The following SLC44A3 variants were observed in gnomAD, a reference collection of about 807,000 sequenced individuals.
SLC44A3 encodes solute carrier family 44 member 3, also known as choline transporter-like protein 3.
A neutral mutation model predicts 75.4 loss-of-function variants in SLC44A3; 74 were observed. The ratio of observed to expected loss-of-function variants is 0.98; its 90% confidence interval spans 0.81 to 1.19. SLC44A3 has a LOEUF of 1.19. Among genes scored for constraint, SLC44A3 ranks in the 50% most tolerant of loss-of-function variants. SLC44A3 has a pLI of 0.00. For missense variants in SLC44A3, 700 were observed against 778.6 expected, an observed-to-expected ratio of 0.90 and a Z score of 1.20; for synonymous variants, 310 against 296.9, an observed-to-expected ratio of 1.04 and a Z score of -0.45.
chr1:94,840,886 G>A (rs977139975), intron 7 of SLC44A3, among the ~76,000 whole-genome samples: 1 of 152,196 alleles, frequency 6.6e-6, no homozygotes, highest in Non-Finnish European at 1.5e-5. Flanking sequence ...CAGTTGTTGG[G>A]AAAGAGGTCC....
chr1:94,856,713 A>G (rs1481410555), intron 9 of SLC44A3, among the ~76,000 whole-genome samples: 1 of 152,096 alleles, frequency 6.6e-6, no homozygotes, highest in East Asian at 1.9e-4. Flanking sequence ...ACTTTACAAA[A>G]GTTACTTGCC....
intron 12 of SLC44A3, among the ~76,000 whole-genome samples, chr1:94,889,553 C>CACACACA (rs370393089): frequency 0.11 from 17,067 of 149,372 alleles, 1,158 homozygotes; most frequent in Non-Finnish European, 0.16. Flanking sequence ...CACACACACA[C>CACACACA]ATTTGTAGTC....
intron 12 of SLC44A3, among the ~76,000 whole-genome samples, chr1:94,879,545 A>T (rs1411401898): frequency 6.7e-6 from 1 of 150,118 alleles, no homozygotes; most frequent in Non-Finnish European, 1.5e-5. Flanking sequence ...AAAAGAAAAA[A>T]AAAAAAAAAA....
Position 94,826,903 on chromosome 1 carries a change from T to C in SLC44A3, c.279-604T>C, listed in dbSNP as rs182821972. ...CCTGGATAAGTGGTAGGCAAGGGTT[T>C]GGAAGCTGTAGCTGCTAGCGCATAA... is the stretch of plus-strand genomic sequence containing the variant. On this transcript the variant is annotated intron_variant, in intron 3 of 14. Coordinates refer to ENST00000271227, the MANE Select transcript of SLC44A3 (RefSeq NM_001114106.3). 2.6e-5 allele frequency among the ~76,000 whole-genome samples: 4 copies of C among 152,244 alleles called. No homozygotes were observed. In the East Asian group the frequency reaches 7.7e-4, roughly 29 times the overall value.
chr1:94,866,250 C>T (rs1301721933), intron 11 of SLC44A3, among the ~76,000 whole-genome samples: 1 of 152,144 alleles, frequency 6.6e-6, no homozygotes, highest in Non-Finnish European at 1.5e-5. Context: ...AGCTTGCTCT[C>T]CCTCCTAAAG....
intron 10 of SLC44A3, 113 bp downstream of exon 10, chr1:94,857,613 G>A (rs1307386505): frequency 2.6e-6 from 3 of 1,157,292 alleles, no homozygotes; most frequent in Non-Finnish European, 3.5e-6. Context: ...AAAAGAAGTT[G>A]GCAAGAATAA....
intron 3 of SLC44A3, 132 bp downstream of exon 3, chr1:94,824,767 G>GTA (rs1040240628): frequency 9.0e-7 from 1 of 1,106,102 alleles, no homozygotes; most frequent in African/African-American, 1.6e-5. Context: ...GGAAGGCTGT[G>GTA]TATATAGTAC....
intron 9 of SLC44A3, among the ~76,000 whole-genome samples, chr1:94,851,436 TAGTGATAA>T (rs890387746): frequency 1.1e-4 from 17 of 152,292 alleles, no homozygotes; most frequent in Non-Finnish European, 2.2e-4. Flanking sequence ...ATGCATCCCT[TAGTGATAA>T]ATGCTATGAA....
Position 94,845,413 on chromosome 1 carries a change from A to C in SLC44A3, c.1021A>C (p.Ile341Leu). The change falls in exon 9 of 15, where the codon ATT becomes CTT. Residue 341 changes from isoleucine (I) to leucine (L), a missense_variant. Transcript: ENST00000271227. ...FQPLWTFAILIFFWVLWVAVL... is the reference protein window; with the variant it reads ...FQPLWTFAILLFFWVLWVAVL... ...GCCACTGTGGACATTTGCCATCCTC[A>C]TTTTCTTCTGGGTCCTCTGGGTGGC... 1.2e-6 allele frequency: 2 copies of C among 1,613,664 alleles called. No homozygotes were observed. The highest frequency in any genetic ancestry group is 1.7e-6 in the Non-Finnish European group (2 of 1,179,948).
At chr1:94,885,988 C>T (rs859069) in intron 12 of SLC44A3, among the ~76,000 whole-genome samples, 117,261 of 152,136 alleles carry the variant, frequency 0.77, 45,789 homozygotes, top group Non-Finnish European at 0.84. Context: ...AGGCATCCAC[C>T]GAGGTGGGGG....
chr1:94,863,718 CA>C (rs1404399628), intron 10 of SLC44A3, among the ~76,000 whole-genome samples: 1 of 152,092 alleles, frequency 6.6e-6, no homozygotes, highest in African/African-American at 2.4e-5. Flanking sequence ...AACTGGGTTG[CA>C]GTTTTTCAGC....
intron 5 of SLC44A3, among the ~76,000 whole-genome samples, chr1:94,831,130 C>T (rs1211628864): frequency 6.6e-6 from 1 of 152,132 alleles, no homozygotes; most frequent in Non-Finnish European, 1.5e-5. Context: ...AAAGAGTCTC[C>T]GTATCCTGTG....
At chr1:94,869,579 A>G (rs1350861297) in intron 12 of SLC44A3, among the ~76,000 whole-genome samples, 1 of 152,226 alleles carries the variant, frequency 6.6e-6, no homozygotes, top group Non-Finnish European at 1.5e-5. Flanking sequence ...GGAAGAATGA[A>G]AAAACAAGAA....
At chr1:94,850,506 C>T (rs528560704) in intron 9 of SLC44A3, among the ~76,000 whole-genome samples, 72 of 152,150 alleles carry the variant, frequency 4.7e-4, no homozygotes, top group South Asian at 8.3e-4. Context: ...GATTTAATCA[C>T]AGGACTGCAC....
intron 9 of SLC44A3, among the ~76,000 whole-genome samples, chr1:94,854,812 G>A (rs1199642685): frequency 2.0e-5 from 3 of 151,910 alleles, no homozygotes; most frequent in Non-Finnish European, 4.4e-5. Context: ...GGAGGGGAGG[G>A]AGAGCTTCCT....
At chr1:94,854,503 C>T (rs1409736911) in intron 9 of SLC44A3, among the ~76,000 whole-genome samples, 1 of 152,214 alleles carries the variant, frequency 6.6e-6, no homozygotes, top group Non-Finnish European at 1.5e-5. Context: ...GCTGTAGTGC[C>T]CAGTCCATAG....
At chr1:94,841,817 G>A (rs1267367184) in intron 7 of SLC44A3, among the ~76,000 whole-genome samples, 183 bp from the exon 8 acceptor site, 1 of 152,192 alleles carries the variant, frequency 6.6e-6, no homozygotes, top group Non-Finnish European at 1.5e-5. Flanking sequence ...GGGTTGCCCT[G>A]GCTCTGCCCA....
chr1:94,882,132 CTAAGTT>C (rs1237560152), intron 12 of SLC44A3, among the ~76,000 whole-genome samples: 3 of 152,220 alleles, frequency 2.0e-5, no homozygotes, highest in African/African-American at 7.2e-5. Flanking sequence ...CATACACAGT[CTAAGTT>C]TATCTTCTCT....
intron 10 of SLC44A3, among the ~76,000 whole-genome samples, chr1:94,858,102 G>A (rs956896352): frequency 2.0e-5 from 3 of 151,866 alleles, no homozygotes; most frequent in African/African-American, 7.3e-5. Context: ...GTGAGCCACC[G>A]CACCTGGCTG....
Sources: gnomAD v4.1 joint callset for allele counts (sites outside exome capture counted in the v4.1 genomes callset) on GRCh38, gnomAD v4.1.1 for gene constraint, MANE v1.5 for transcripts, NCBI Gene and HGNC (gene_info 2026-07-23, HGNC 2026-07-21) for gene names.